The following SEPTIN9 variants were observed in gnomAD, a reference collection of about 807,000 sequenced individuals.
SEPTIN9 encodes septin 9, also known as septin-9.
A neutral mutation model predicts 56.6 loss-of-function variants in SEPTIN9; 13 were observed. The ratio of observed to expected loss-of-function variants is 0.23; its 90% CI spans 0.15 to 0.37. The LOEUF (loss-of-function observed/expected upper bound fraction) is 0.37, where lower values mean the gene tolerates loss of function less well. Ranked by LOEUF, SEPTIN9 falls within the 10% of genes least tolerant of loss-of-function variation. SEPTIN9 has a pLI of 1.00. For synonymous variants in SEPTIN9, 332 were observed against 334.1 expected (o/e 0.99, Z 0.07); for missense variants, 650 against 823.1 (o/e 0.79, Z 2.57).
At chr17:77,467,289 A>G (rs1212548103) in intron 3 of SEPTIN9, among the ~76,000 whole-genome samples, 12 of 152,324 alleles carry the variant, frequency 7.9e-5, no homozygotes. Context: ...TGGCCTGGCC[A>G]AGGTCTCAGT....
At chr17:77,447,212 G>T (rs545760572) in intron 3 of SEPTIN9, 1 of 167,192 alleles carries the variant, frequency 6.0e-6, no homozygotes, top group African/African-American at 2.4e-5. Context: ...AGGCCGGCGT[G>T]TGGAGTGCGT....
chr17:77,478,032 A>C (rs1211860966), intron 3 of SEPTIN9, among the ~76,000 whole-genome samples: 1 of 151,934 alleles, frequency 6.6e-6, no homozygotes, highest in Non-Finnish European at 1.5e-5. Context: ...CACAGGTGTT[A>C]ACCGCATATC....
intron 3 of SEPTIN9, among the ~76,000 whole-genome samples, chr17:77,430,809 G>A (rs1321553717): frequency 6.6e-6 from 1 of 152,008 alleles, no homozygotes; most frequent in African/African-American, 2.4e-5. Flanking sequence ...TGGTCAACAT[G>A]GCGAAACCCC....
At chr17:77,444,111 G>A (rs1444772488) in intron 3 of SEPTIN9, among the ~76,000 whole-genome samples, 3 of 152,196 alleles carry the variant, frequency 2.0e-5, no homozygotes, top group Non-Finnish European at 4.4e-5. Context: ...TGGGGTTTGC[G>A]AGACAGTAGG....
At chr17:77,305,902 G>C (rs2032240140) in intron 1 of SEPTIN9, among the ~76,000 whole-genome samples, 1 of 121,134 alleles carries the variant, frequency 8.3e-6, no homozygotes, top group Non-Finnish European at 1.7e-5. Flanking sequence ...ATGAGTGGGT[G>C]GGTGGGGGGG....
Position 77,498,525 on chromosome 17 carries a change from C to A in SEPTIN9, c.1628C>A (p.Thr543Lys). Residue 543 changes from threonine (T) to lysine (K), a missense_variant and splice_region_variant, in exon 12 of 12, where the codon ACG becomes AAG. Transcript: ENST00000427177. ...CCGCCCGCCCCCCACCCCCACAGGA[C>A]GCACATGCAGAACATCAAGGACATC... ...FAYLRDLLIR[T>K]HMQNIKDITS... The A allele has an allele frequency of 5.4e-6, 4 of 746,428 alleles. No homozygotes were observed. The highest frequency in any genetic ancestry group is 8.3e-6 in the Non-Finnish European group (4 of 482,460). 46.2% of individuals were successfully genotyped at this position (746,428 alleles called of 1,614,324 possible).
intron 10 of SEPTIN9, among the ~76,000 whole-genome samples, chr17:77,494,727 C>A (rs1043596579): frequency 6.6e-6 from 1 of 152,122 alleles, no homozygotes; most frequent in East Asian, 1.9e-4. Context: ...AGAAAACCTG[C>A]CAAGGGACCC....
rs953009231 is a variant in SEPTIN9, at chr17:77,370,357, C to T, written c.77-31702C>T. On this transcript the variant is annotated intron_variant, in intron 2 of 11. Transcript: ENST00000427177. ...ACTCCGGTCTCTGCCTCTGTCTTCA[C>T]AAGGCCTTTTTCTGTGTCTCTGTAC... 2.6e-5 allele frequency among the ~76,000 whole-genome samples: 4 copies of T among 152,226 alleles called. No individual in the cohort carries two copies. In the East Asian group the frequency reaches 5.8e-4, roughly 22 times the overall value.
chr17:77,373,442 G>T lies in SEPTIN9; in HGVS notation c.77-28617G>T. 2.0e-6 allele frequency: 3 copies of T among 1,477,738 alleles called. No homozygotes were observed. In the South Asian group the frequency reaches 3.8e-5, roughly 19 times the overall value. 91.5% of individuals were successfully genotyped at this position (1,477,738 alleles called of 1,614,324 possible). A position where few individuals can be genotyped will look rare whatever the true frequency, so the allele number is the denominator to read the frequency against. Reference sequence around the variant, plus strand: ...AGCCAGCGCGCAGGGCCCGGGCCCCGCCGGGGGCGCTTCCTCGCCGCTGCC... The same window carrying T: ...AGCCAGCGCGCAGGGCCCGGGCCCCTCCGGGGGCGCTTCCTCGCCGCTGCC... On this transcript the variant is annotated intron_variant, in intron 2 of 11. Coordinates refer to ENST00000427177, the MANE Select transcript of SEPTIN9 (RefSeq NM_001113491.2).
chr17:77,420,376 C>T (rs932968763), intron 3 of SEPTIN9, among the ~76,000 whole-genome samples: 5 of 152,200 alleles, frequency 3.3e-5, no homozygotes, highest in African/African-American at 1.2e-4. Context: ...GGTGGTTCTG[C>T]GAGGCCCCTA....
At chr17:77,432,807 A>G (rs1331102230) in intron 3 of SEPTIN9, among the ~76,000 whole-genome samples, 1 of 152,248 alleles carries the variant, frequency 6.6e-6, no homozygotes, top group Non-Finnish European at 1.5e-5. Flanking sequence ...GGAAGCCATC[A>G]AGAGGGGACC....
At chr17:77,373,249 C>T (rs2034781833) in intron 2 of SEPTIN9, 4 of 1,119,634 alleles carry the variant, frequency 3.6e-6, no homozygotes, top group Admixed American at 5.1e-5. Flanking sequence ...GAGGCCGGTG[C>T]GGGTGCGGGA....
At chr17:77,495,024 T>G (rs1222268439) in intron 10 of SEPTIN9, among the ~76,000 whole-genome samples, 2 of 152,140 alleles carry the variant, frequency 1.3e-5, no homozygotes, top group Admixed American at 6.5e-5. Flanking sequence ...TCTTGCTGTT[T>G]AGGAAACTTT....
At chr17:77,461,341 C>G (rs1381852393) in intron 3 of SEPTIN9, among the ~76,000 whole-genome samples, 1 of 152,006 alleles carries the variant, frequency 6.6e-6, no homozygotes, top group African/African-American at 2.4e-5. Flanking sequence ...AATAAAAATC[C>G]ATGGGGGGAC....
chr17:77,371,949 C>A lies in SEPTIN9; in HGVS notation c.77-30110C>A, dbSNP rs976292164. On this transcript the variant is annotated intron_variant, in intron 2 of 11. Coordinates refer to ENST00000427177, the MANE Select transcript of SEPTIN9 (RefSeq NM_001113491.2). This position sits in a 1 kb window ranked among gnomAD's most constrained non-coding sequence, Gnocchi z 4.1. ...TTTCCGCAAGAGACCCCCTGCCCCC[C>A]GCCTCTCCAGAATGGCTGGAGAGTC... is the stretch of plus-strand genomic sequence containing the variant. 1.3e-5 allele frequency among the ~76,000 whole-genome samples: 2 copies of A among 152,168 alleles called. No homozygotes were observed. Among genetic ancestry groups the A allele is most frequent in the African/African-American group, 4.8e-5 (2 of 41,424 alleles).
intron 1 of SEPTIN9, chr17:77,287,779 C>A: frequency 1.4e-6 from 1 of 690,136 alleles, no homozygotes; most frequent in Non-Finnish European, 1.8e-6. Context: ...GAGCTTTGTT[C>A]CCAGCCTAAT....
chr17:77,445,760 G>A lies in SEPTIN9; in HGVS notation c.722-36384G>A. On this transcript the variant is annotated intron_variant, in intron 3 of 11. Transcript: ENST00000427177. The surrounding 1 kb of genome is among the most constrained non-coding windows in gnomAD (Gnocchi z 4.7). ...CAGAGTGGGACCTTGCTGTGGGATA[G>A]GCTGGCCAATGGTGCTCCCTCCCCT... 1 of 270,788 alleles carries A rather than the reference G, an allele frequency of 3.7e-6. No homozygotes were observed. Among genetic ancestry groups the A allele is most frequent in the Non-Finnish European group, 7.9e-6 (1 of 127,290 alleles). 16.8% of individuals were successfully genotyped at this position (270,788 alleles called of 1,614,324 possible). A position where few individuals can be genotyped will look rare whatever the true frequency, so the allele number is the denominator to read the frequency against.
chr17:77,382,690 A>G (rs377577229), intron 2 of SEPTIN9, among the ~76,000 whole-genome samples: 14 of 152,348 alleles, frequency 9.2e-5, no homozygotes, highest in South Asian at 6.2e-4. Context: ...AACCTCAGAA[A>G]GGGCTGCTTT....
chr17:77,317,193 C>T lies in SEPTIN9; in HGVS notation c.76+9996C>T, dbSNP rs1206659080. Among the ~76,000 whole-genome samples the T allele has an allele frequency of 1.3e-5, 2 of 152,198 alleles. No homozygotes were observed. Among genetic ancestry groups the T allele is most frequent in the East Asian group, 3.8e-4 (2 of 5,206 alleles). Reference sequence around the variant, plus strand: ...CAAGCTGGCTGGGTCACAACAACGCCCAGCCATCCTCTCACAGCTCTGCAG... The same window carrying T: ...CAAGCTGGCTGGGTCACAACAACGCTCAGCCATCCTCTCACAGCTCTGCAG... On this transcript the variant is annotated intron_variant, in intron 2 of 11. Transcript: ENST00000427177. This position sits in a 1 kb window ranked among gnomAD's most constrained non-coding sequence, Gnocchi z 4.2.
Sources: allele counts gnomAD v4.1 joint callset (sites outside exome capture counted in the v4.1 genomes callset), GRCh38; gene constraint gnomAD v4.1.1; non-coding constraint Gnocchi (gnomAD v3.1); transcripts MANE v1.5; gene names NCBI Gene and HGNC (gene_info 2026-07-23, HGNC 2026-07-21).